SLF1: variants seen among roughly 807,000 people sequenced by gnomAD.
SLF1 encodes SMC5/6 complex localization factor 1.
A neutral mutation model predicts 123.0 loss-of-function variants in SLF1; 105 were observed. The observed-to-expected ratio is 0.85, with a 90% CI of 0.73 to 1.00. The LOEUF (loss-of-function observed/expected upper bound fraction) is 1.00. SLF1 is among the 50% of genes least tolerant of loss of function. SLF1 has a pLI of 0.00. For missense variants in SLF1, 1,239 were observed against 1,223.0 expected, an observed-to-expected ratio of 1.01 and a Z score of -0.20; for synonymous variants, 434 against 406.6, an observed-to-expected ratio of 1.07 and a Z score of -0.81.
In SLF1 at chr5:94,695,290, G is replaced by A. The variant is rs775367720; in HGVS notation, c.3155G>A (p.Arg1052Gln). The change falls in exon 21 of 21, where the codon CGG becomes CAG. Residue 1052 changes from arginine (R) to glutamine (Q), a missense_variant. Coordinates refer to ENST00000265140, the MANE Select transcript of SLF1 (RefSeq NM_032290.4). ...ATGATAACATTGGAAATGATGTGTC[G>A]GTCAGTCATGGAGTTTTCATGATGA... is the stretch of plus-strand genomic sequence containing the variant. ...ALMITLEMMC[R>Q]SVMEFS 22 of 1,609,388 alleles carry A rather than the reference G, an allele frequency of 1.4e-5. No individual in the cohort carries two copies. Among genetic ancestry groups the A allele is most frequent in the Admixed American group, 1.7e-5 (1 of 59,656 alleles).
chr5:94,687,987 A>G (rs904306266), intron 16 of SLF1, among the ~76,000 whole-genome samples: 1 of 147,826 alleles, frequency 6.8e-6, no homozygotes, highest in Admixed American at 6.7e-5. Context: ...ATTATTAATA[A>G]GGCAATATTA....
At chr5:94,676,695 A>G (rs1490776853) in intron 14 of SLF1, among the ~76,000 whole-genome samples, 1 of 152,234 alleles carries the variant, frequency 6.6e-6, no homozygotes, top group Non-Finnish European at 1.5e-5. Context: ...CCTTGATGTG[A>G]TAGGACAACA....
chr5:94,622,988 C>T (rs1010339986), intron 1 of SLF1, among the ~76,000 whole-genome samples: 4 of 152,090 alleles, frequency 2.6e-5, no homozygotes, highest in Non-Finnish European at 5.9e-5. Context: ...CCTCTCAAAC[C>T]AGACTTTTGT....
chr5:94,676,541 G>T (rs1312878379), intron 14 of SLF1, among the ~76,000 whole-genome samples: 1 of 152,220 alleles, frequency 6.6e-6, no homozygotes, highest in African/African-American at 2.4e-5. Context: ...CTAGGATCTG[G>T]CTGGCTGTCT....
At chr5:94,672,693 G>A (rs1750609504) in intron 14 of SLF1, among the ~76,000 whole-genome samples, 1 of 151,926 alleles carries the variant, frequency 6.6e-6, no homozygotes. Flanking sequence ...ACTATGACTT[G>A]TTTTTATGAG....
intron 4 of SLF1, among the ~76,000 whole-genome samples, chr5:94,641,185 G>GCCCCACCC (rs1053609761): frequency 1.1e-4 from 5 of 44,856 alleles, no homozygotes; most frequent in East Asian, 1.0e-3. Context: ...CCTCCCGCCC[G>GCCCCACCC]CCCCACCCCC....
At position 94,686,598 on chromosome 5, in the gene SLF1, T is replaced by A. The variant is rs756972056; in HGVS notation, c.2001T>A (p.Ile667=). The part of the protein sequence containing the change: ...CDDFSSQELE[I]FICSFSSSWL... ...ACTTTTCTTCACAGGAATTAGAGAT[T>A]TTCATTTGCTCCTTTTCCTCCTCCT... Residue 667 remains isoleucine (I), a synonymous_variant, in exon 16 of 21, where the codon ATT becomes ATA. Coordinates refer to ENST00000265140, the MANE Select transcript of SLF1 (RefSeq NM_032290.4). 6.2e-7 allele frequency: 1 copy of A among 1,614,020 alleles called. No homozygotes were observed.
chr5:94,693,782 C>T, intron 20 of SLF1, among the ~76,000 whole-genome samples: 1 of 147,634 alleles, frequency 6.8e-6, no homozygotes, highest in African/African-American at 2.5e-5. Context: ...ACAGAAGTAA[C>T]TTGGAACAAT....
At chr5:94,674,138 A>C (rs965680180) in intron 14 of SLF1, among the ~76,000 whole-genome samples, 1 of 152,154 alleles carries the variant, frequency 6.6e-6, no homozygotes, top group Non-Finnish European at 1.5e-5. Flanking sequence ...AGGATAGAAA[A>C]TATTTCTTCA....
chr5:94,678,980 T>C, intron 15 of SLF1, 25 bp downstream of exon 15: 1 of 1,605,226 alleles, frequency 6.2e-7, no homozygotes, highest in Non-Finnish European at 8.5e-7. Flanking sequence ...GTTCTGTTTT[T>C]TTCAGACCCA....
In SLF1 at chr5:94,684,723, A is replaced by AG. The variant is rs1491434169; in HGVS notation, c.1976-1849dup. Among the ~76,000 whole-genome samples, 7 of 140,072 alleles carry AG rather than the reference A, an allele frequency of 5.0e-5. No homozygotes were observed. In the East Asian group the frequency reaches 1.5e-3, roughly 30 times the overall value. The allele number at this position is 140,072 out of a possible 152,430, so 91.9% of individuals were successfully genotyped here. On this transcript the variant is annotated intron_variant, in intron 15 of 20. Coordinates refer to ENST00000265140, the MANE Select transcript of SLF1 (RefSeq NM_032290.4). ...AAAAAAAAAAAAAAAAAAAAAAAAAAGTATCTCTGTAGAGGCCATATTGGA... is the reference window on the plus strand; with the variant it reads ...AAAAAAAAAAAAAAAAAAAAAAAAAAGGTATCTCTGTAGAGGCCATATTGGA...
intron 4 of SLF1, among the ~76,000 whole-genome samples, chr5:94,634,559 A>T (rs534646423): frequency 3.5e-4 from 54 of 152,314 alleles, no homozygotes; most frequent in African/African-American, 1.2e-3. Flanking sequence ...TGTATATACT[A>T]TATTTTCTTT....
chr5:94,660,488 T>A (rs1748963740), intron 9 of SLF1, among the ~76,000 whole-genome samples: 1 of 152,100 alleles, frequency 6.6e-6, no homozygotes, highest in African/African-American at 2.4e-5. Flanking sequence ...GTGCTAGTAG[T>A]CGGAGTAGGG....
chr5:94,650,507 A>C (rs6865667), intron 6 of SLF1, among the ~76,000 whole-genome samples: 33,800 of 151,588 alleles, frequency 0.22, 3,894 homozygotes, highest in East Asian at 0.34. Context: ...GGACTACAGG[A>C]GCCCGCCATT....
intron 1 of SLF1, among the ~76,000 whole-genome samples, chr5:94,619,703 T>G (rs945755377): frequency 2.6e-5 from 4 of 152,236 alleles, no homozygotes; most frequent in Admixed American, 1.3e-4. Flanking sequence ...ACTTTTTGGT[T>G]TATGTTATTC....
Position 94,649,471 on chromosome 5 carries a change from T to C in SLF1, c.612T>C (p.Asp204=). 6.7e-7 allele frequency: 1 copy of C among 1,497,654 alleles called. No individual in the cohort carries two copies. The highest frequency in any genetic ancestry group is 9.0e-7 in the Non-Finnish European group (1 of 1,110,750). 92.8% of individuals were successfully genotyped at this position (1,497,654 alleles called of 1,614,324 possible). The part of the protein sequence containing the change: ...DFLLEKEIQN[D]EDSQTNSVWT... ...ACATACAGAAAGAAATTCAGAATGA[T>C]GAAGATTCCCAAACCAATTCTGTTT... The change falls in exon 6 of 21, where the codon GAT becomes GAC. Residue 204 remains aspartate (D), a synonymous_variant. Transcript: ENST00000265140.
At chr5:94,674,047 A>C (rs1750773303) in intron 14 of SLF1, among the ~76,000 whole-genome samples, 1 of 152,196 alleles carries the variant, frequency 6.6e-6, no homozygotes, top group African/African-American at 2.4e-5. Context: ...TTGCCAATTG[A>C]GTATAGCACT....
At chr5:94,641,972 G>A (rs1333872550) in intron 4 of SLF1, among the ~76,000 whole-genome samples, 1 of 152,138 alleles carries the variant, frequency 6.6e-6, no homozygotes, top group Non-Finnish European at 1.5e-5. Flanking sequence ...CAGGGAAGAT[G>A]TTTTTTGCTT....
chr5:94,684,409 T>G (rs1217248036), intron 15 of SLF1, among the ~76,000 whole-genome samples: 1 of 152,054 alleles, frequency 6.6e-6, no homozygotes, highest in Non-Finnish European at 1.5e-5. Context: ...TCATAAAAAT[T>G]GTATCTCGGC....
Sources: allele counts gnomAD v4.1 joint callset (sites outside exome capture counted in the v4.1 genomes callset), GRCh38; gene constraint gnomAD v4.1.1; transcripts MANE v1.5; gene names NCBI Gene and HGNC (gene_info 2026-07-23, HGNC 2026-07-21).